SERPINE2: variants seen among roughly 807,000 people sequenced by gnomAD.
SERPINE2 encodes serpin family E member 2, also known as glia-derived nexin.
A neutral mutation model predicts 36.3 loss-of-function variants in SERPINE2; 14 were observed. The observed-to-expected ratio is 0.39, with a 90% CI of 0.25 to 0.60. The LOEUF (loss-of-function observed/expected upper bound fraction) is 0.60. SERPINE2 is among the 20% of genes least tolerant of loss of function. SERPINE2 has a pLI of 0.57. For synonymous variants in SERPINE2, 192 were observed against 191.8 expected, an observed-to-expected ratio of 1.00 and a Z score of -0.01; for missense variants, 418 against 499.6, an observed-to-expected ratio of 0.84 and a Z score of 1.56.
At chr2:224,033,323 T>C (rs557456733) in intron 1 of SERPINE2, among the ~76,000 whole-genome samples, 38 of 152,288 alleles carry the variant, frequency 2.5e-4, no homozygotes, top group Non-Finnish European at 5.1e-4. Flanking sequence ...CATGATGCTG[T>C]TTCTGAATAT....
intron 1 of SERPINE2, chr2:224,031,607 C>T: frequency 1.2e-5 from 7 of 576,562 alleles, no homozygotes; most frequent in South Asian, 7.6e-5. Flanking sequence ...CCTCTGCCCA[C>T]AGCCATTGGT....
intron 1 of SERPINE2, chr2:224,038,707 G>C (rs924798884): frequency 3.3e-6 from 2 of 608,270 alleles, no homozygotes; most frequent in East Asian, 5.5e-5. Flanking sequence ...AGGGGTTGCC[G>C]GCGAGCAGCT....
intron 2 of SERPINE2, among the ~76,000 whole-genome samples, chr2:223,999,571 C>T (rs1691027413): frequency 6.6e-6 from 1 of 152,152 alleles, no homozygotes; most frequent in South Asian, 2.1e-4. Context: ...CCCATGACCA[C>T]ACCTTACAAT....
At chr2:223,981,082 A>C (rs937056353) in intron 6 of SERPINE2, 6 of 152,230 alleles carry the variant, frequency 3.9e-5, no homozygotes, top group African/African-American at 1.4e-4. Flanking sequence ...GAGAATGAAA[A>C]ACTTAAGTTG....
In SERPINE2 at chr2:223,984,766, C is replaced by G; in HGVS notation, c.870G>C (p.Gln290His). 6.2e-7 allele frequency: 1 copy of G among 1,612,672 alleles called. No homozygotes were observed. Among genetic ancestry groups the G allele is most frequent in the Non-Finnish European group, 8.5e-7 (1 of 1,179,848 alleles). ...GGGCCACTTACTTGGGCAGGATCAC[C>G]TGCACCCTCTTGGGCACCATGATGC... ...WMSIMVPKRV[Q>H]VILPKFTAVA... The change falls in exon 5 of 9, where the codon CAG becomes CAC. Residue 290 changes from glutamine (Q) to histidine (H), a missense_variant. Gln to His is a conservative substitution (Grantham distance 24). Coordinates refer to ENST00000409304, the MANE Select transcript of SERPINE2 (RefSeq NM_001136528.2).
chr2:224,028,709 A>C (rs1461040360), intron 1 of SERPINE2, among the ~76,000 whole-genome samples: 1 of 152,216 alleles, frequency 6.6e-6, no homozygotes, highest in Non-Finnish European at 1.5e-5. Context: ...TGTATAAAAG[A>C]TGCCTAATAG....
chr2:223,978,353 A>G (rs1369440057), intron 7 of SERPINE2: 1 of 152,236 alleles, frequency 6.6e-6, no homozygotes, highest in Non-Finnish European at 1.5e-5. Context: ...GCTTCTCTAA[A>G]TCTTTTCTGT....
At chr2:224,032,271 T>G (rs553906687) in intron 1 of SERPINE2, among the ~76,000 whole-genome samples, 1 of 152,262 alleles carries the variant, frequency 6.6e-6, no homozygotes, top group South Asian at 2.1e-4. Flanking sequence ...CATTTCCGAG[T>G]GGGCTTTGTA....
chr2:223,982,555 T>C, intron 6 of SERPINE2, 126 bp downstream of exon 6: 1 of 515,110 alleles, frequency 1.9e-6, no homozygotes, highest in South Asian at 3.4e-5. Context: ...TGGCAATGTA[T>C]CAAATGAAAC....
At chr2:224,014,429 GGTATCAATGCAGTCATTGCATTGA>G (rs1349628729) in intron 1 of SERPINE2, among the ~76,000 whole-genome samples, 1 of 152,164 alleles carries the variant, frequency 6.6e-6, no homozygotes, top group Non-Finnish European at 1.5e-5. Flanking sequence ...TAGGTAAATT[GGTATCAATGCAGTCATTGCATTGA>G]TGAGAAACAG....
intron 4 of SERPINE2, among the ~76,000 whole-genome samples, chr2:223,988,358 G>A (rs1187499447): frequency 6.6e-6 from 1 of 152,020 alleles, no homozygotes; most frequent in African/African-American, 2.4e-5. Flanking sequence ...TTTTTGTAGA[G>A]ACAGGGTCTC....
intron 1 of SERPINE2, among the ~76,000 whole-genome samples, chr2:224,021,523 G>A (rs151086324): frequency 1.3e-5 from 2 of 152,338 alleles, no homozygotes; most frequent in African/African-American, 4.8e-5. Flanking sequence ...GTGACACATT[G>A]AGTTTCAGTC....
Position 223,977,634 on chromosome 2 carries a change from G to A in SERPINE2, c.1073-7C>T. ...CTTGCAATGAGAATTGCAGCTACGG[G>A]AAGAAAAGGAAAATGTGTTGTGCAC... On this transcript the variant is annotated splice_polypyrimidine_tract_variant and splice_region_variant and intron_variant, in intron 7 of 8. Transcript: ENST00000409304. 1 of 1,598,148 alleles carries A rather than the reference G, an allele frequency of 6.3e-7. No homozygotes were observed.
chr2:224,034,008 G>T (rs1461523883), intron 1 of SERPINE2, among the ~76,000 whole-genome samples: 1 of 152,216 alleles, frequency 6.6e-6, no homozygotes, highest in Non-Finnish European at 1.5e-5. Context: ...GCTCCCCTTT[G>T]AGTCTGGAAT....
chr2:224,031,761 C>CT (rs1213942635), intron 1 of SERPINE2, among the ~76,000 whole-genome samples: 17 of 148,460 alleles, frequency 1.1e-4, no homozygotes, highest in Non-Finnish European at 2.4e-4. Flanking sequence ...CACCCCCCAC[C>CT]CCCCCCGCCG....
intron 1 of SERPINE2, among the ~76,000 whole-genome samples, chr2:224,010,624 C>T (rs1307660812): frequency 6.6e-6 from 1 of 152,210 alleles, no homozygotes; most frequent in Non-Finnish European, 1.5e-5. Flanking sequence ...AATCCTACTA[C>T]CCATTAACCA....
chr2:223,995,298 C>T (rs1666669712), intron 3 of SERPINE2, among the ~76,000 whole-genome samples: 1 of 152,196 alleles, frequency 6.6e-6, no homozygotes, highest in South Asian at 2.1e-4. Context: ...ACCTTCCAGA[C>T]ACAAACAGTT....
At chr2:224,031,400 G>A (rs964143047) in intron 1 of SERPINE2, 4 of 985,448 alleles carry the variant, frequency 4.1e-6, no homozygotes, top group Admixed American at 6.1e-5. Context: ...TTCCGTTGGG[G>A]GGAAAACAGA....
chr2:223,988,345 A>AT lies in SERPINE2; in HGVS notation c.686-3396dup, dbSNP rs1163191061. Among the ~76,000 whole-genome samples, 5 of 152,060 alleles carry AT rather than the reference A, an allele frequency of 3.3e-5. No homozygotes were observed. In the South Asian group the frequency reaches 1.0e-3, roughly 32 times the overall value. ...CACCATGCCTGGCTAATTTTTAAAC[A>AT]TTTTTTTGTAGAGACAGGGTCTCGC... On this transcript the variant is annotated intron_variant, in intron 4 of 8. Transcript: ENST00000409304.
Sources: gnomAD v4.1 joint callset for allele counts (sites outside exome capture counted in the v4.1 genomes callset) on GRCh38, gnomAD v4.1.1 for gene constraint, MANE v1.5 for transcripts, NCBI Gene and HGNC (gene_info 2026-07-23, HGNC 2026-07-21) for gene names.